TFAP2A: variants seen among roughly 807,000 people sequenced by gnomAD.
TFAP2A encodes transcription factor AP-2-alpha.
In TFAP2A, 7 loss-of-function variants were observed where a neutral mutation model predicts 41.5. That is an observed-to-expected ratio of 0.17 (90% CI 0.10 to 0.32). The LOEUF is 0.32. Among genes scored for constraint, TFAP2A ranks in the 10% least tolerant of loss-of-function variants. The pLI, the probability that TFAP2A is intolerant of heterozygous loss-of-function variation, is 1.00. For synonymous variants in TFAP2A, 247 were observed against 242.8 expected (o/e 1.02, Z -0.16); for missense variants, 416 against 563.3 (o/e 0.74, Z 2.65).
intron 2 of TFAP2A, 66 bp from the exon 3 acceptor site, chr6:10,406,910 G>T: frequency 1.6e-6 from 2 of 1,242,072 alleles, no homozygotes; most frequent in Non-Finnish European, 1.2e-6. Flanking sequence ...AATATTCCCT[G>T]CAAGATGGGA....
At chr6:10,417,755 G>C (rs115007876), upstream of TFAP2A, among the ~76,000 whole-genome samples, 1,520 of 152,204 alleles carry the variant, frequency 1.0e-2, 26 homozygotes, top group African/African-American at 0.035. Context: ...CGGCCCCTCC[G>C]GGCCCCAAAT....
chr6:10,412,427 A>T, intron 1 of TFAP2A: 5 of 145,502 alleles, frequency 3.4e-5, no homozygotes, highest in Non-Finnish European at 7.0e-5. Flanking sequence ...GGGAGAGGGG[A>T]GGGAGGGAAG....
At chr6:10,419,352 G>A (rs896680493), upstream of TFAP2A, 5 of 1,420,624 alleles carry the variant, frequency 3.5e-6, no homozygotes, top group Non-Finnish European at 5.0e-6. Flanking sequence ...CCTCCTCCCC[G>A]CTCCGGCCCC....
intron 1 of TFAP2A, chr6:10,412,403 A>T: frequency 2.9e-6 from 1 of 339,576 alleles, no homozygotes; most frequent in Non-Finnish European, 4.1e-6. Flanking sequence ...GGCGAGGGAG[A>T]GGAGCCCCGG....
In TFAP2A at chr6:10,398,278, A is replaced by T; in HGVS notation, c.*139T>A. 1 of 1,568,482 alleles carries T rather than the reference A, an allele frequency of 6.4e-7. No individual in the cohort carries two copies. Among genetic ancestry groups the T allele is most frequent in the Non-Finnish European group, 8.6e-7 (1 of 1,161,958 alleles). On this transcript the variant is annotated 3_prime_UTR_variant, in exon 7 of 7. Transcript: ENST00000379613. This position sits in a 1 kb window ranked among gnomAD's most constrained non-coding sequence, Gnocchi z 5.3. ...CGGAGACTCGGGGGGACCCAAGGGC[A>T]GCGGCGGCGGCGGCGGCGGCAGCAG... is the stretch of plus-strand genomic sequence containing the variant.
rs747986718 is a variant in TFAP2A, at chr6:10,398,649, T to C, written c.1088A>G (p.Asn363Ser). ...CTCCAGGATGGGGTTGGGCCGTGAGTTCCCCAGGGGAGATCGGTCCTGAGC... is the reference window on the plus strand; with the variant it reads ...CTCCAGGATGGGGTTGGGCCGTGAGCTCCCCAGGGGAGATCGGTCCTGAGC... Reference protein sequence around the residue: ...LLAQDRSPLGNSRPNPILEPG... With the variant: ...LLAQDRSPLGSSRPNPILEPG... Residue 363 changes from asparagine to serine, a missense_variant, in exon 7 of 7, where the codon AAC (asparagine) becomes AGC (serine). Asn to Ser is a conservative substitution (Grantham distance 46). Around this residue, in one of 3 missense-constraint regions of TFAP2A, gnomAD observed 116 missense variants for 153.8 expected, o/e 0.75. Transcript: ENST00000379613. This position sits in a 1 kb window ranked among gnomAD's most constrained non-coding sequence, Gnocchi z 5.3. 2.3e-5 allele frequency: 37 copies of C among 1,613,952 alleles called. No homozygotes were observed. Among genetic ancestry groups the C allele is most frequent in the Non-Finnish European group, 3.1e-5 (36 of 1,179,996 alleles).
At chr6:10,401,992 T>TC (rs1762025066) in intron 5 of TFAP2A, 2 of 271,834 alleles carry the variant, frequency 7.4e-6, no homozygotes, top group African/African-American at 4.5e-5. Flanking sequence ...TTTCTTCTTC[T>TC]CCAAGAGAAA....
At chr6:10,405,405 C>T (rs1159764652) in intron 3 of TFAP2A, 1 of 152,194 alleles carries the variant, frequency 6.6e-6, no homozygotes, top group East Asian at 1.9e-4. Context: ...ATTCCAAGGC[C>T]AGTTTTGAAC....
At chr6:10,400,018 T>C (rs1033364849) in intron 6 of TFAP2A, among the ~76,000 whole-genome samples, 1 of 152,092 alleles carries the variant, frequency 6.6e-6, no homozygotes, top group Non-Finnish European at 1.5e-5. Flanking sequence ...TAGGACAGCT[T>C]CTGGCTTGCA....
At chr6:10,412,029 A>T in intron 1 of TFAP2A, 1 of 1,055,120 alleles carries the variant, frequency 9.5e-7, no homozygotes, top group Non-Finnish European at 1.1e-6. Flanking sequence ...CTAATAGCAG[A>T]TATTCATGAC....
chr6:10,404,698 C>A lies in TFAP2A; in HGVS notation c.580G>T (p.Ala194Ser), dbSNP rs1284597921. The change falls in exon 4 of 7, where the codon GCC becomes TCC. Residue 194 changes from alanine to serine, a missense_variant. By Grantham distance (99) the Ala-to-Ser change is moderately conservative. Around this residue, in one of 3 missense-constraint regions of TFAP2A, gnomAD observed 241 missense variants for 274.1 expected, o/e 0.88. Transcript: ENST00000379613. ...AGGTTGTCCTTGTTAATAGGGATGGCGGAGACGGCATTGCTGTTGGACTTG... is the reference window on the plus strand; with the variant it reads ...AGGTTGTCCTTGTTAATAGGGATGGAGGAGACGGCATTGCTGTTGGACTTG... ...LSKSNSNAVS[A>S]IPINKDNLFG... 4 of 1,614,152 alleles carry A rather than the reference C, an allele frequency of 2.5e-6. No individual in the cohort carries two copies. In the East Asian group the frequency reaches 8.9e-5, roughly 36 times the overall value.
chr6:10,417,571 A>G (rs765584945), upstream of TFAP2A, among the ~76,000 whole-genome samples: 10 of 152,176 alleles, frequency 6.6e-5, no homozygotes, highest in Non-Finnish European at 1.3e-4. Context: ...GAGGTCGGAG[A>G]TCCAGGCCTG....
At chr6:10,408,855 G>A (rs1757828488) in intron 2 of TFAP2A, among the ~76,000 whole-genome samples, 1 of 151,690 alleles carries the variant, frequency 6.6e-6, no homozygotes, top group Non-Finnish European at 1.5e-5. Flanking sequence ...ATCTAATGTA[G>A]TAATCATTAA....
Position 10,398,624 on chromosome 6 carries a change from C to A in TFAP2A, c.1113G>T (p.Glu371Asp). 3 of 1,614,190 alleles carry A rather than the reference C, an allele frequency of 1.9e-6. No individual in the cohort carries two copies. The highest frequency in any genetic ancestry group is 1.1e-5 in the South Asian group (1 of 91,082). ...GGGTCAAGCAGCTCTGGATGCCGGG[C>A]TCCAGGATGGGGTTGGGCCGTGAGT... Reference protein sequence around the residue: ...LGNSRPNPILEPGIQSCLTHF... With the variant: ...LGNSRPNPILDPGIQSCLTHF... Residue 371 changes from glutamate to aspartate, a missense_variant, in exon 7 of 7, where the codon GAG (glutamate) becomes GAT (aspartate). Glu to Asp is a conservative substitution (Grantham distance 45, BLOSUM62 2). Around this residue, in one of 3 missense-constraint regions of TFAP2A, gnomAD observed 116 missense variants for 153.8 expected, o/e 0.75. Transcript: ENST00000379613. The surrounding 1 kb of genome is among the most constrained non-coding windows in gnomAD (Gnocchi z 5.3).
intron 1 of TFAP2A, chr6:10,412,630 C>A: frequency 3.7e-6 from 1 of 273,628 alleles, no homozygotes. Context: ...TCGTGCGTAG[C>A]GGGTAGGAGC....
intron 4 of TFAP2A, among the ~76,000 whole-genome samples, chr6:10,404,264 A>G (rs1158658135): frequency 6.6e-6 from 1 of 152,188 alleles, no homozygotes; most frequent in Non-Finnish European, 1.5e-5. Context: ...GCAGCGAACG[A>G]AGCGCGCACC....
Position 10,396,754 on chromosome 6 carries a change from C to T in TFAP2A, c.*1663G>A, listed in dbSNP as rs1308181918. The T allele has an allele frequency of 6.6e-6, 1 of 152,464 alleles. No individual in the cohort carries two copies. Among genetic ancestry groups the T allele is most frequent in the Non-Finnish European group, 1.5e-5 (1 of 68,010 alleles). The allele number at this position is 152,464 out of a possible 1,614,324, so 9.4% of individuals were successfully genotyped here. A position where few individuals can be genotyped will look rare whatever the true frequency, so the allele number is the denominator to read the frequency against. ...GTAAGGAAAAGACAGTATGTCATTC[C>T]TTTAGCAGTACAAACAATCTTTTAT... On this transcript the variant is annotated 3_prime_UTR_variant, in exon 7 of 7. Transcript: ENST00000379613.
chr6:10,412,687 G>A, intron 1 of TFAP2A: 1 of 346,960 alleles, frequency 2.9e-6, no homozygotes, highest in Non-Finnish European at 5.9e-6. Flanking sequence ...GGCGCGGCAG[G>A]CGCTTCCCGG....
chr6:10,406,694 G>A (rs1757731723), intron 3 of TFAP2A, 99 bp downstream of exon 3: 5 of 1,067,366 alleles, frequency 4.7e-6, no homozygotes, highest in Admixed American at 1.7e-5. Flanking sequence ...GAGCCTTTAG[G>A]AAATCCTATT....
Sources: gnomAD v4.1 joint callset for allele counts (sites outside exome capture counted in the v4.1 genomes callset) on GRCh38, gnomAD v4.1.1 for gene constraint, gnomAD v4.1.1 regional missense constraint, Gnocchi (gnomAD v3.1) non-coding constraint, MANE v1.5 for transcripts, NCBI Gene and HGNC (gene_info 2026-07-23, HGNC 2026-07-21) for gene names.